ELF1: variants seen among roughly 807,000 people sequenced by gnomAD.
ELF1 encodes the protein E74 like ETS transcription factor 1.
ELF1 carries 24 observed loss-of-function variants against 59.9 expected under a neutral mutation model. The ratio of observed to expected loss-of-function variants is 0.40; its 90% CI spans 0.29 to 0.56. ELF1 has a LOEUF of 0.56. Ranked by LOEUF, ELF1 falls within the 20% of genes least tolerant of loss-of-function variation. The probability of loss-of-function intolerance (pLI) is 0.44; values close to 1 mark genes in which losing one functional copy is unlikely to be tolerated. For synonymous variants in ELF1, 248 were observed against 266.2 expected (o/e 0.93, Z 0.67); for missense variants, 627 against 742.2 (o/e 0.84, Z 1.80).
At chr13:40,954,979 C>T (rs867567044) in intron 3 of ELF1, among the ~76,000 whole-genome samples, 3 of 146,774 alleles carry the variant, frequency 2.0e-5, no homozygotes, top group Non-Finnish European at 4.5e-5. Context: ...CTCTGCCCGG[C>T]CGCCATCCCA....
chr13:41,018,077 G>A (rs894697556), intron 1 of ELF1, among the ~76,000 whole-genome samples: 3 of 152,208 alleles, frequency 2.0e-5, no homozygotes, highest in African/African-American at 4.8e-5. Flanking sequence ...CACTTAGTAA[G>A]TGCATAGCAA....
rs76735517 is a variant in ELF1 at position 41,005,342 on chromosome 13, G to A, written c.-229+13886C>T. 3.6e-3 allele frequency among the ~76,000 whole-genome samples: 542 copies of A among 149,302 alleles called. 4 individuals carry two copies. The highest frequency in any genetic ancestry group is 0.013 in the African/African-American group (519 of 40,626). On this transcript the variant is annotated intron_variant, in intron 1 of 8. Transcript: ENST00000239882. The stretch of plus-strand genomic sequence containing the variant: ...ACAATGACTGAGTAAAAAACCAAGT[G>A]TCTAAACAACAGAACAGGCCCTCAA...
At chr13:40,986,889 G>T (rs1873574753) in intron 1 of ELF1, among the ~76,000 whole-genome samples, 1 of 149,912 alleles carries the variant, frequency 6.7e-6, no homozygotes, top group African/African-American at 2.5e-5. Flanking sequence ...TAGACACAAG[G>T]ATATTAAACC....
At chr13:41,042,865 A>G (rs1223294162) in intron 1 of ELF1, among the ~76,000 whole-genome samples, 2 of 152,176 alleles carry the variant, frequency 1.3e-5, no homozygotes, top group Non-Finnish European at 2.9e-5. Flanking sequence ...CTAGTTCTAG[A>G]TCATTGAGGG....
chr13:41,047,301 C>A (rs1041483917), intron 1 of ELF1, among the ~76,000 whole-genome samples: 1 of 152,234 alleles, frequency 6.6e-6, no homozygotes, highest in African/African-American at 2.4e-5. Flanking sequence ...CTCCGTCCAG[C>A]TTTGTTCCGT....
intron 1 of ELF1, among the ~76,000 whole-genome samples, chr13:41,026,566 G>A (rs139734583): frequency 5.5e-4 from 83 of 152,266 alleles, no homozygotes; most frequent in African/African-American, 1.8e-3. Flanking sequence ...TCACAGCACA[G>A]GCCTGTAGGA....
intron 2 of ELF1, 36 bp from the exon 3 acceptor site, chr13:40,959,052 G>C: frequency 1.3e-6 from 2 of 1,547,650 alleles, no homozygotes; most frequent in South Asian, 1.2e-5. Context: ...TGAAAACAAA[G>C]GATTAACACA....
intron 1 of ELF1, among the ~76,000 whole-genome samples, chr13:41,057,058 A>AT (rs1398090432): frequency 6.6e-6 from 1 of 152,020 alleles, no homozygotes; most frequent in East Asian, 1.9e-4. Context: ...AGGTCTTCGG[A>AT]TTTTAGCTGA....
intron 1 of ELF1, among the ~76,000 whole-genome samples, chr13:40,997,208 G>C (rs143488178): frequency 3.9e-5 from 6 of 152,156 alleles, no homozygotes; most frequent in Non-Finnish European, 5.9e-5. Context: ...AAAAAACCCT[G>C]AATGATCTGT....
rs578043911 is a variant in ELF1 at position 41,036,989 on chromosome 13, G to C, written c.-229+23849C>G. 1.8e-3 allele frequency among the ~76,000 whole-genome samples: 275 copies of C among 151,998 alleles called. 1 individual carries two copies. Among genetic ancestry groups the C allele is most frequent in the African/African-American group, 6.4e-3 (266 of 41,428 alleles). ...GGAGTGGGGAGGGATAGCATTAGGA[G>C]ATATACCTAATGTAAATGACGAGTT... On this transcript the variant is annotated intron_variant, in intron 1 of 1. Transcript: ENST00000405737.
chr13:40,983,316 A>G (rs781043656), intron 1 of ELF1, among the ~76,000 whole-genome samples: 62 of 152,242 alleles, frequency 4.1e-4, no homozygotes, highest in Non-Finnish European at 7.9e-4. Flanking sequence ...TAATTTCCTA[A>G]TAATTTTAAA....
chr13:40,970,576 G>C lies in ELF1; in HGVS notation c.72+11407C>G, dbSNP rs972351877. 3.3e-5 allele frequency among the ~76,000 whole-genome samples: 5 copies of C among 152,270 alleles called. No individual in the cohort carries two copies. In the East Asian group the frequency reaches 7.7e-4, roughly 24 times the overall value. ...AGGCAAGTAATGTTTTCTTGGCATG[G>C]AGGTTAACATGCAAAGATGCTGCTT... On this transcript the variant is annotated intron_variant, in intron 2 of 8. Transcript: ENST00000239882.
At chr13:41,042,163 C>T (rs1396382955) in intron 1 of ELF1, among the ~76,000 whole-genome samples, 1 of 152,134 alleles carries the variant, frequency 6.6e-6, no homozygotes, top group African/African-American at 2.4e-5. Flanking sequence ...CCTAGGATTA[C>T]AGCTGCATGC....
intron 2 of ELF1, among the ~76,000 whole-genome samples, chr13:40,961,872 T>C (rs923496878): frequency 6.6e-6 from 1 of 152,222 alleles, no homozygotes; most frequent in African/African-American, 2.4e-5. Flanking sequence ...GAGACAGGCG[T>C]GTAAAATGCA....
At chr13:40,945,692 T>G (rs1870460351) in intron 5 of ELF1, among the ~76,000 whole-genome samples, 2 of 152,230 alleles carry the variant, frequency 1.3e-5, no homozygotes, top group African/African-American at 2.4e-5. Context: ...TTCTGGAACT[T>G]TGATTAAACA....
At chr13:40,996,121 T>C (rs9315799) in intron 1 of ELF1, among the ~76,000 whole-genome samples, 27,993 of 151,954 alleles carry the variant, frequency 0.18, 2,759 homozygotes, top group East Asian at 0.26. Context: ...CAATGAGGTG[T>C]CACTACAAAC....
At chr13:40,946,818 A>G (rs1870538126) in intron 5 of ELF1, among the ~76,000 whole-genome samples, 1 of 152,142 alleles carries the variant, frequency 6.6e-6, no homozygotes, top group African/African-American at 2.4e-5. Context: ...TAGGCAACAT[A>G]GTGAGACCCA....
chr13:41,042,733 A>C (rs542266447), intron 1 of ELF1, among the ~76,000 whole-genome samples: 2 of 152,138 alleles, frequency 1.3e-5, no homozygotes, highest in Non-Finnish European at 2.9e-5. Context: ...CTTGGTTCCA[A>C]GTCTTTGCTA....
At chr13:41,002,775 C>T (rs1296556369) in intron 1 of ELF1, among the ~76,000 whole-genome samples, 1 of 152,096 alleles carries the variant, frequency 6.6e-6, no homozygotes, top group East Asian at 1.9e-4. Flanking sequence ...AATCTATCAA[C>T]TAAGGCAAAT....
Sources: allele counts gnomAD v4.1 joint callset (sites outside exome capture counted in the v4.1 genomes callset), GRCh38; gene constraint gnomAD v4.1.1; transcripts MANE v1.5; gene names NCBI Gene and HGNC (gene_info 2026-07-23, HGNC 2026-07-21).